The following ZNF488 variants were observed in gnomAD, a reference collection of about 807,000 sequenced individuals.
ZNF488 encodes zinc finger protein 488.
ZNF488 carries 1 observed loss-of-function variant against 1.2 expected under a neutral mutation model. The ratio of observed to expected loss-of-function variants is 0.86; its 90% confidence interval spans 0.30 to 4.07. The LOEUF (loss-of-function observed/expected upper bound fraction) is 4.07. ZNF488 is among the 30% of genes most tolerant of loss of function. The pLI is 0.18. For missense variants in ZNF488, 450 were observed against 437.9 expected, an observed-to-expected ratio of 1.03 and a Z score of -0.25; for synonymous variants, 185 against 190.1, an observed-to-expected ratio of 0.97 and a Z score of 0.22.
At chr10:47,368,962 A>T in intron 1 of ZNF488, 25 bp from the exon 2 acceptor site, 1 of 1,068,614 alleles carries the variant, frequency 9.4e-7, no homozygotes. Context: ...AGCGACAGGC[A>T]GTGAGATGGG....
intron 1 of ZNF488, among the ~76,000 whole-genome samples, chr10:47,374,460 C>T (rs1391803340): frequency 1.3e-5 from 2 of 152,190 alleles, no homozygotes; most frequent in African/African-American, 4.8e-5. Context: ...TCCCTGGTTA[C>T]CTTGACACTC....
At chr10:47,381,353 C>T (rs191290384) in intron 1 of ZNF488, among the ~76,000 whole-genome samples, 9 of 152,386 alleles carry the variant, frequency 5.9e-5, no homozygotes, top group African/African-American at 2.2e-4. Context: ...TCTGCAGAAG[C>T]TTCCCAGACC....
In ZNF488 at chr10:47,365,534, A is replaced by G. The variant is rs1837185087; in HGVS notation, c.*2273T>C. 6.0e-6 allele frequency: 1 copy of G among 167,164 alleles called. No homozygotes were observed. The highest frequency in any genetic ancestry group is 1.5e-5 in the Non-Finnish European group (1 of 68,154). 10.4% of individuals were successfully genotyped at this position (167,164 alleles called of 1,614,324 possible). On this transcript the variant is annotated 3_prime_UTR_variant, in exon 2 of 2. Coordinates refer to ENST00000585316, the MANE Select transcript of ZNF488 (RefSeq NM_153034.4). ...ATTTATTATGCACCAACAATATGCC[A>G]TGCCCTGTTCTGGGCACCAGGGATG...
chr10:47,380,852 G>A (rs797027005), intron 1 of ZNF488, among the ~76,000 whole-genome samples: 3 of 150,306 alleles, frequency 2.0e-5, no homozygotes, highest in South Asian at 4.2e-4. Context: ...TCACCTTGGT[G>A]TTTTCTTCAC....
In ZNF488 at chr10:47,367,203, C is replaced by A. The variant is rs1555212909; in HGVS notation, c.*604G>T. ...ACTTGCTGCCAAGCCCAGCCAAGCT[C>A]AGCTTAACCTGAGCCAACCCACAGA... On this transcript the variant is annotated 3_prime_UTR_variant, in exon 2 of 2. Transcript: ENST00000585316. The A allele has an allele frequency of 6.0e-6, 1 of 167,292 alleles. No individual in the cohort carries two copies. The highest frequency in any genetic ancestry group is 2.4e-5 in the African/African-American group (1 of 41,468). The allele number at this position is 167,292 out of a possible 1,614,324, so 10.4% of individuals were successfully genotyped here. A position where few individuals can be genotyped will look rare whatever the true frequency, so the allele number is the denominator to read the frequency against.
At chr10:47,378,704 G>C (rs998408293) in intron 1 of ZNF488, among the ~76,000 whole-genome samples, 19 of 152,204 alleles carry the variant, frequency 1.2e-4, no homozygotes, top group African/African-American at 4.6e-4. Flanking sequence ...AAATCAGAGA[G>C]AAAGCAAGAA....
At position 47,366,213 on chromosome 10, in the gene ZNF488, G is replaced by A. The variant is rs868992618; in HGVS notation, c.*1594C>T. The A allele has an allele frequency of 6.0e-6, 1 of 167,138 alleles. No individual in the cohort carries two copies. The highest frequency in any genetic ancestry group is 2.4e-5 in the African/African-American group (1 of 41,448). The allele number at this position is 167,138 out of a possible 1,614,324, so 10.4% of individuals were successfully genotyped here. A position where few individuals can be genotyped will look rare whatever the true frequency, so the allele number is the denominator to read the frequency against. On this transcript the variant is annotated 3_prime_UTR_variant, in exon 2 of 2. Coordinates refer to ENST00000585316, the MANE Select transcript of ZNF488 (RefSeq NM_153034.4). ...CATGAAGCAGCTGGCAGGTCCTGCT[G>A]GGGTTAGGCCTGTAAGTGTGAAGGG...
intron 1 of ZNF488, among the ~76,000 whole-genome samples, chr10:47,380,936 T>G (rs1223288185): frequency 0.036 from 2,132 of 59,538 alleles, no homozygotes; most frequent in African/African-American, 0.073. Context: ...ACATTAGGGG[T>G]ATCACTTCTT....
At position 47,368,139 on chromosome 10, in the gene ZNF488, T is replaced by C. The variant is rs1555213159; in HGVS notation, c.691A>G (p.Ser231Gly). ...AGTGTAGGGGCACCCAGAAAAGTGC[T>C]ACAGAGTGGAGCATTCTGTGGCAAT... is the stretch of plus-strand genomic sequence containing the variant. Reference protein sequence around the residue: ...QALPQNAPLCSTFLGAPTLWL... With the variant: ...QALPQNAPLCGTFLGAPTLWL... The change falls in exon 2 of 2, where the codon AGC becomes GGC. Residue 231 changes from serine to glycine, a missense_variant. By Grantham distance (56) the Ser-to-Gly change is moderately conservative (BLOSUM62 0). Transcript: ENST00000585316. 3 of 1,614,144 alleles carry C rather than the reference T, an allele frequency of 1.9e-6. No individual in the cohort carries two copies. The highest frequency in any genetic ancestry group is 2.5e-6 in the Non-Finnish European group (3 of 1,180,030).
At chr10:47,379,831 T>C (rs538163908) in intron 1 of ZNF488, among the ~76,000 whole-genome samples, 1 of 41,226 alleles carries the variant, frequency 2.4e-5, no homozygotes, top group South Asian at 5.5e-4. Context: ...CAGATGGGGG[T>C]ATCTCATTCC....
In ZNF488 at chr10:47,368,727, G is replaced by C. The variant is rs782230600; in HGVS notation, c.103C>G (p.Arg35Gly). 3.1e-6 allele frequency: 5 copies of C among 1,613,182 alleles called. No homozygotes were observed. The highest frequency in any genetic ancestry group is 4.2e-6 in the Non-Finnish European group (5 of 1,180,032). Reference protein sequence around the residue: ...PLSPSAENRWRLSEPELGRGC... With the variant: ...PLSPSAENRWGLSEPELGRGC... ...CGGCCCAGCTCAGGTTCGCTAAGTC[G>C]CCATCTGTTTTCAGCCGATGGGCTC... Residue 35 changes from arginine to glycine, a missense_variant, in exon 2 of 2, where the codon CGA becomes GGA. Arg to Gly is a moderately radical substitution (Grantham distance 125). Transcript: ENST00000585316.
intron 1 of ZNF488, among the ~76,000 whole-genome samples, chr10:47,374,833 C>T (rs1837617096): frequency 6.6e-6 from 1 of 152,206 alleles, no homozygotes; most frequent in African/African-American, 2.4e-5. Flanking sequence ...GACTCGACTG[C>T]ACATCCGGGG....
At chr10:47,370,593 A>G (rs1454957617) in intron 1 of ZNF488, among the ~76,000 whole-genome samples, 1 of 152,232 alleles carries the variant, frequency 6.6e-6, no homozygotes, top group Admixed American at 6.5e-5. Context: ...GAAGGGTCAG[A>G]TCTGCCTAAC....
rs1555212872 is a variant in ZNF488 at position 47,366,913 on chromosome 10, C to A, written c.*894G>T. 1 of 167,050 alleles carries A rather than the reference C, an allele frequency of 6.0e-6. No individual in the cohort carries two copies. Among genetic ancestry groups the A allele is most frequent in the African/African-American group, 2.4e-5 (1 of 41,436 alleles). 10.3% of individuals were successfully genotyped at this position (167,050 alleles called of 1,614,324 possible). On this transcript the variant is annotated 3_prime_UTR_variant, in exon 2 of 2. Transcript: ENST00000585316. The stretch of plus-strand genomic sequence containing the variant: ...TGGAATTACCTGTCCCAATTCCTCA[C>A]CCTCCTGTGGAGGGGATGGATGGTC...
At chr10:47,371,938 C>T (rs1163110052) in intron 1 of ZNF488, among the ~76,000 whole-genome samples, 1 of 152,098 alleles carries the variant, frequency 6.6e-6, no homozygotes, top group Admixed American at 6.5e-5. Flanking sequence ...TAGAGAGACC[C>T]CTCCTCTGCC....
intron 1 of ZNF488, among the ~76,000 whole-genome samples, chr10:47,372,487 C>G (rs1837510513): frequency 7.0e-6 from 1 of 142,584 alleles, no homozygotes; most frequent in South Asian, 2.4e-4. Context: ...TTGCTGGAAG[C>G]TCAAGCCTCC....
In ZNF488 at chr10:47,368,699, C is replaced by T. The variant is rs1837339519; in HGVS notation, c.131G>A (p.Gly44Asp). 2 of 1,612,676 alleles carry T rather than the reference C, an allele frequency of 1.2e-6. No individual in the cohort carries two copies. Among genetic ancestry groups the T allele is most frequent in the African/African-American group, 1.3e-5 (1 of 74,944 alleles). ...CTTCTCGAGCAGCACTGGCTTGCAG[C>T]CCCGGCCCAGCTCAGGTTCGCTAAG... is the stretch of plus-strand genomic sequence containing the variant. ...WRLSEPELGR[G>D]CKPVLLEKTN... The change falls in exon 2 of 2, where the codon GGC becomes GAC. Residue 44 changes from glycine to aspartate, a missense_variant. Transcript: ENST00000585316.
chr10:47,378,086 A>G (rs2132303330), intron 1 of ZNF488, among the ~76,000 whole-genome samples: 1 of 152,264 alleles, frequency 6.6e-6, no homozygotes, highest in African/African-American at 2.4e-5. Flanking sequence ...GCCCCTAGAG[A>G]GAGCATGTGT....
chr10:47,368,522 G>A lies in ZNF488; in HGVS notation c.308C>T (p.Thr103Met), dbSNP rs782681733. ...TRGEQRQSAF[T>M]ELPRMKDRQV... ...CCGGTCCTTCATCCTCGGCAGCTCC[G>A]TGAAGGCGCTCTGCCTCTGCTCTCC... The change falls in exon 2 of 2, where the codon ACG (threonine) becomes ATG (methionine). Residue 103 changes from threonine (T) to methionine (M), a missense_variant. Physicochemically the swap from Thr to Met is moderately conservative, Grantham distance 81 (BLOSUM62 -1). Transcript: ENST00000585316. 6.6e-5 allele frequency: 107 copies of A among 1,613,548 alleles called. No homozygotes were observed. Among genetic ancestry groups the A allele is most frequent in the Admixed American group, 2.3e-4 (14 of 59,996 alleles).
Sources: gnomAD v4.1 joint callset for allele counts (sites outside exome capture counted in the v4.1 genomes callset) on GRCh38, gnomAD v4.1.1 for gene constraint, MANE v1.5 for transcripts, NCBI Gene and HGNC (gene_info 2026-07-23, HGNC 2026-07-21) for gene names.